Variants in ZSWIM7 observed in about 807,000 individuals in gnomAD.
ZSWIM7 encodes zinc finger SWIM domain-containing protein 7.
A neutral mutation model predicts 21.1 loss-of-function variants in ZSWIM7; 22 were observed. That is an observed-to-expected ratio of 1.04 (90% confidence interval 0.74 to 1.49). The LOEUF is 1.49. Ranked by LOEUF, ZSWIM7 falls within the 40% of genes most tolerant of loss-of-function variation. ZSWIM7 has a pLI of 0.00. For synonymous variants in ZSWIM7, 67 were observed against 66.5 expected (o/e 1.01, Z -0.04); for missense variants, 193 against 168.0 (o/e 1.15, Z -0.82).
intron 3 of ZSWIM7, among the ~76,000 whole-genome samples, chr17:15,985,926 G>A (rs1359219293): frequency 6.6e-6 from 1 of 152,134 alleles, no homozygotes; most frequent in Non-Finnish European, 1.5e-5. Flanking sequence ...ACCTCCTCAG[G>A]TACAAACTGC....
intron 1 of ZSWIM7, 41 bp downstream of exon 1, chr17:15,999,478 C>A: frequency 6.3e-7 from 1 of 1,590,738 alleles, no homozygotes; most frequent in Non-Finnish European, 8.5e-7. Flanking sequence ...GATGCCCCGC[C>A]CGCGCCCATG....
chr17:15,988,110 C>A (rs1020751215), intron 2 of ZSWIM7, among the ~76,000 whole-genome samples: 1 of 151,964 alleles, frequency 6.6e-6, no homozygotes, highest in African/African-American at 2.4e-5. Context: ...AACAAACACA[C>A]GTGCATAGAT....
At chr17:15,993,340 A>ATTTTT in intron 2 of ZSWIM7, among the ~76,000 whole-genome samples, 1 of 134,920 alleles carries the variant, frequency 7.4e-6, no homozygotes, top group South Asian at 2.3e-4. Context: ...GAATATTTTT[A>ATTTTT]TTTTTTATTT....
chr17:15,984,567 C>G (rs1970389093), intron 3 of ZSWIM7, among the ~76,000 whole-genome samples: 3 of 152,218 alleles, frequency 2.0e-5, no homozygotes, highest in African/African-American at 7.2e-5. Context: ...TCTACATGGT[C>G]ATCCATTCAT....
chr17:15,996,474 G>A (rs1388521466), intron 1 of ZSWIM7, among the ~76,000 whole-genome samples: 1 of 151,974 alleles, frequency 6.6e-6, no homozygotes, highest in Non-Finnish European at 1.5e-5. Flanking sequence ...AGGAAGACCC[G>A]TCTCTACAGA....
At position 15,993,873 on chromosome 17, in the gene ZSWIM7, G is replaced by A. The variant is rs866106383; in HGVS notation, c.77-95C>T. 1.8e-4 allele frequency: 159 copies of A among 870,366 alleles called. 2 individuals carry two copies. Among genetic ancestry groups the A allele is most frequent in the South Asian group, 8.0e-4 (53 of 66,312 alleles). The allele number at this position is 870,366 out of a possible 1,614,324, so 53.9% of individuals were successfully genotyped here. Reference sequence around the variant, plus strand: ...AAACACTGTAACTAAAAACACTTCCGTGTGTGATGGTCAACTGAACCTATG... The same window carrying A: ...AAACACTGTAACTAAAAACACTTCCATGTGTGATGGTCAACTGAACCTATG... On this transcript the variant is annotated intron_variant, in intron 1 of 4. Coordinates refer to ENST00000399277, the MANE Select transcript of ZSWIM7 (RefSeq NM_001042697.2).
intron 1 of ZSWIM7, among the ~76,000 whole-genome samples, chr17:15,994,942 C>T (rs1163439873): frequency 2.6e-5 from 4 of 151,482 alleles, no homozygotes; most frequent in Non-Finnish European, 5.9e-5. Flanking sequence ...GACTAGACAG[C>T]CAAGGGTTAC....
chr17:15,981,467 G>GT (rs746858137), intron 3 of ZSWIM7, among the ~76,000 whole-genome samples: 53 of 147,388 alleles, frequency 3.6e-4, no homozygotes, highest in Admixed American at 1.1e-3. Flanking sequence ...TAAGAAGGAA[G>GT]TGGGGGGGGG....
intron 1 of ZSWIM7, among the ~76,000 whole-genome samples, chr17:15,998,066 C>T (rs1015547511): frequency 6.6e-6 from 1 of 151,870 alleles, no homozygotes; most frequent in African/African-American, 2.4e-5. Flanking sequence ...GCCCATTGCA[C>T]TCCAGCCTGG....
At chr17:15,985,959 C>A (rs557087867) in intron 3 of ZSWIM7, among the ~76,000 whole-genome samples, 1 of 152,184 alleles carries the variant, frequency 6.6e-6, no homozygotes, top group South Asian at 2.1e-4. Context: ...TTTGATTATT[C>A]CTAAGTTCTC....
chr17:15,990,621 G>C (rs1414735618), intron 2 of ZSWIM7, among the ~76,000 whole-genome samples: 1 of 152,068 alleles, frequency 6.6e-6, no homozygotes, highest in Non-Finnish European at 1.5e-5. Flanking sequence ...ATGTTTTAAA[G>C]AACTTATATG....
Position 15,977,202 on chromosome 17 carries a change from T to C in ZSWIM7, c.*845A>G, listed in dbSNP as rs556474724. 2.0e-5 allele frequency: 3 copies of C among 152,340 alleles called. No homozygotes were observed. In the East Asian group the frequency reaches 5.8e-4, roughly 29 times the overall value. The allele number at this position is 152,340 out of a possible 1,614,324, so 9.4% of individuals were successfully genotyped here. A position where few individuals can be genotyped will look rare whatever the true frequency, so the allele number is the denominator to read the frequency against. ...GCTGTTTTGGCACAAGCATCACAGA[T>C]ATTTGAAGCTTACAGAAACCAGAAC... On this transcript the variant is annotated 3_prime_UTR_variant, in exon 5 of 5. Coordinates refer to ENST00000399277, the MANE Select transcript of ZSWIM7 (RefSeq NM_001042697.2).
chr17:15,993,049 T>C lies in ZSWIM7; in HGVS notation c.98+708A>G, dbSNP rs111308086. Among the ~76,000 whole-genome samples, 7 of 151,864 alleles carry C rather than the reference T, an allele frequency of 4.6e-5. 1 individual carries two copies. Among genetic ancestry groups the C allele is most frequent in the African/African-American group, 1.7e-4 (7 of 41,410 alleles). ...GTGTGCCACCACATCCCACTACTTT[T>C]GTATTTTTAGTAGAGACAGGGTTTC... On this transcript the variant is annotated intron_variant, in intron 2 of 4. Transcript: ENST00000399277.
At chr17:15,991,152 C>A (rs934188021) in intron 2 of ZSWIM7, 1 of 145,364 alleles carries the variant, frequency 6.9e-6, no homozygotes, top group African/African-American at 2.8e-5. Flanking sequence ...ACTTTAATAC[C>A]TACTGTGAAC....
At chr17:15,982,970 C>T (rs1167764399) in intron 3 of ZSWIM7, among the ~76,000 whole-genome samples, 6 of 152,162 alleles carry the variant, frequency 3.9e-5, no homozygotes, top group Admixed American at 3.3e-4. Context: ...GGTTTTTTGA[C>T]GCAGTCAGAA....
rs541854799 is a variant in ZSWIM7 at position 15,999,668 on chromosome 17, G to A, written c.-74C>T. On this transcript the variant is annotated 5_prime_UTR_variant, in exon 1 of 5. Transcript: ENST00000399277. Reference sequence around the variant, plus strand: ...CAGCTGACTGCGCCTACCTGTGGAGGATCCTGACCCCCCGCCGGGGCAGGG... The same window carrying A: ...CAGCTGACTGCGCCTACCTGTGGAGAATCCTGACCCCCCGCCGGGGCAGGG... 2.8e-5 allele frequency: 44 copies of A among 1,561,596 alleles called. No homozygotes were observed. Among genetic ancestry groups the A allele is most frequent in the Admixed American group, 1.5e-4 (8 of 52,790 alleles).
intron 2 of ZSWIM7, among the ~76,000 whole-genome samples, chr17:15,987,910 T>C (rs1347444037): frequency 6.6e-6 from 1 of 152,134 alleles, no homozygotes; most frequent in Non-Finnish European, 1.5e-5. Context: ...GCGCCTGGCC[T>C]GTATTATATT....
At chr17:15,998,767 T>G (rs561382333) in intron 1 of ZSWIM7, among the ~76,000 whole-genome samples, 4,843 of 151,896 alleles carry the variant, frequency 0.032, 266 homozygotes, top group African/African-American at 0.11. Context: ...TTTTTTTTTT[T>G]TTTTGAGATG....
intron 1 of ZSWIM7, among the ~76,000 whole-genome samples, chr17:15,996,986 T>C (rs1156655576): frequency 1.3e-5 from 2 of 152,008 alleles, no homozygotes; most frequent in Non-Finnish European, 1.5e-5. Context: ...TAGTGAGACC[T>C]TGTCTCTACA....
Sources: gnomAD v4.1 joint callset for allele counts (sites outside exome capture counted in the v4.1 genomes callset) on GRCh38, gnomAD v4.1.1 for gene constraint, MANE v1.5 for transcripts, NCBI Gene and HGNC (gene_info 2026-07-23, HGNC 2026-07-21) for gene names.